Variants in AGBL1 observed in about 807,000 individuals in gnomAD.
AGBL1 encodes the protein AGBL carboxypeptidase 1, also known as cytosolic carboxypeptidase 4.
AGBL1 carries 130 observed loss-of-function variants against 118.9 expected under a neutral mutation model. The ratio of observed to expected loss-of-function variants is 1.09; its 90% confidence interval spans 0.95 to 1.26. The LOEUF (loss-of-function observed/expected upper bound fraction) is 1.26, where lower values mean the gene tolerates loss of function less well. AGBL1 is among the 50% of genes most tolerant of loss of function. The pLI is 0.00. For synonymous variants in AGBL1, 555 were observed against 478.9 expected, an observed-to-expected ratio of 1.16 and a Z score of -2.08; for missense variants, 1,584 against 1,298.1, an observed-to-expected ratio of 1.22 and a Z score of -3.38.
At chr15:86,923,056 C>T (rs72754048) in intron 23 of AGBL1, among the ~76,000 whole-genome samples, 5,617 of 152,256 alleles carry the variant, frequency 0.037, 137 homozygotes, top group Middle Eastern at 0.068. Flanking sequence ...TCCAGGTATC[C>T]GGCCCGAGGG....
intron 22 of AGBL1, among the ~76,000 whole-genome samples, chr15:86,798,874 T>A (rs544131091): frequency 1.3e-4 from 20 of 152,012 alleles, no homozygotes; most frequent in African/African-American, 4.8e-4. Flanking sequence ...ATTATTATTG[T>A]TGGAAGTGAA....
In AGBL1 at chr15:86,925,977, G is replaced by A. The variant is rs186642243; in HGVS notation, c.3222-62010G>A. The stretch of plus-strand genomic sequence containing the variant: ...AATCTCCTGACCTTGTGATTCACCC[G>A]CCTCAGCCTCCCAAAGTGCTGGGAT... On this transcript the variant is annotated intron_variant, in intron 23 of 24. Coordinates refer to the AGBL1 transcript ENST00000441037. Among the ~76,000 whole-genome samples the A allele has an allele frequency of 3.4e-4, 52 of 152,114 alleles. No individual in the cohort carries two copies. In the East Asian group the frequency reaches 6.0e-3, roughly 18 times the overall value.
At chr15:86,843,350 T>G (rs2079272385) in intron 22 of AGBL1, among the ~76,000 whole-genome samples, 1 of 152,016 alleles carries the variant, frequency 6.6e-6, no homozygotes, top group Non-Finnish European at 1.5e-5. Flanking sequence ...TTTTTTTTTC[T>G]TTTTTAAAAA....
intron 21 of AGBL1, among the ~76,000 whole-genome samples, chr15:86,563,995 C>G (rs1004212625): frequency 6.6e-6 from 1 of 152,164 alleles, no homozygotes. Context: ...AGATCTTCCT[C>G]CATCCCTTTA....
At chr15:86,547,143 T>C (rs1400240312) in intron 20 of AGBL1, among the ~76,000 whole-genome samples, 1 of 152,164 alleles carries the variant, frequency 6.6e-6, no homozygotes, top group East Asian at 1.9e-4. Flanking sequence ...CTCAATAACC[T>C]GTTTGCTGTA....
intron 23 of AGBL1, among the ~76,000 whole-genome samples, chr15:86,962,399 C>T (rs1403218806): frequency 6.6e-6 from 1 of 152,004 alleles, no homozygotes; most frequent in African/African-American, 2.4e-5. Flanking sequence ...ATTAACATGT[C>T]TAAGATTCCA....
intron 22 of AGBL1, among the ~76,000 whole-genome samples, chr15:86,830,919 A>G (rs763762747): frequency 2.0e-5 from 3 of 152,204 alleles, no homozygotes; most frequent in Non-Finnish European, 4.4e-5. Context: ...GCTGATAAAG[A>G]CATACCCAAG....
chr15:86,851,788 C>T (rs921087975), intron 22 of AGBL1, among the ~76,000 whole-genome samples: 5 of 151,980 alleles, frequency 3.3e-5, no homozygotes, highest in African/African-American at 4.8e-5. Flanking sequence ...GAAGTGTGCA[C>T]ACATGAAGGA....
intron 21 of AGBL1, among the ~76,000 whole-genome samples, chr15:86,635,210 T>A (rs2085055172): frequency 6.6e-6 from 1 of 150,414 alleles, no homozygotes; most frequent in Non-Finnish European, 1.5e-5. Context: ...TTGCCCTATT[T>A]TGGGTGGCAG....
chr15:86,692,714 C>T (rs547401993), intron 22 of AGBL1, among the ~76,000 whole-genome samples: 91 of 152,214 alleles, frequency 6.0e-4, no homozygotes, highest in African/African-American at 2.0e-3. Context: ...ATCACCTGAG[C>T]AGTATACACG....
chr15:86,859,982 ACTAGTTGAAC>A, intron 22 of AGBL1, among the ~76,000 whole-genome samples: 2 of 152,202 alleles, frequency 1.3e-5, no homozygotes, highest in Non-Finnish European at 2.9e-5. Flanking sequence ...TGAAGTTGAA[ACTAGTTGAAC>A]ATGTTCAGGC....
At chr15:87,024,347 A>G (rs2081702364) in intron 24 of AGBL1, among the ~76,000 whole-genome samples, 1 of 152,096 alleles carries the variant, frequency 6.6e-6, no homozygotes, top group Admixed American at 6.6e-5. Context: ...GCTACTATGA[A>G]CATCTTTACA....
At chr15:87,015,898 A>T (rs755637083) in intron 24 of AGBL1, among the ~76,000 whole-genome samples, 5 of 152,142 alleles carry the variant, frequency 3.3e-5, no homozygotes, top group Non-Finnish European at 7.4e-5. Context: ...AATGATGTTA[A>T]ATTTGCCAAC....
chr15:86,554,608 CCT>C (rs1164704533), intron 21 of AGBL1, 71 bp downstream of exon 21: 20 of 1,334,934 alleles, frequency 1.5e-5, no homozygotes, highest in Non-Finnish European at 1.9e-5. Flanking sequence ...ACAGCTCGTA[CCT>C]GCTTTCTCAC....
At chr15:86,790,006 C>A (rs990231070) in intron 22 of AGBL1, among the ~76,000 whole-genome samples, 130 of 152,260 alleles carry the variant, frequency 8.5e-4, no homozygotes, top group African/African-American at 3.0e-3. Context: ...TATCTGATTT[C>A]TTAAAACTCA....
chr15:86,376,442 AAG>A (rs2081041922), intron 17 of AGBL1, among the ~76,000 whole-genome samples: 1 of 152,222 alleles, frequency 6.6e-6, no homozygotes, highest in East Asian at 1.9e-4. Flanking sequence ...TAGGCAAAGA[AAG>A]AGATGCATAG....
chr15:86,796,219 C>G (rs1281983281), intron 22 of AGBL1, among the ~76,000 whole-genome samples: 1 of 152,186 alleles, frequency 6.6e-6, no homozygotes, highest in Non-Finnish European at 1.5e-5. Context: ...ATTTGTTCCA[C>G]CTCACACTGG....
At chr15:86,938,928 T>A (rs1032595952) in intron 23 of AGBL1, 6 of 152,212 alleles carry the variant, frequency 3.9e-5, no homozygotes, top group African/African-American at 1.2e-4. Context: ...GCAGCATCAA[T>A]CAGTTTCATG....
chr15:87,012,067 A>C (rs2081565777), intron 24 of AGBL1, among the ~76,000 whole-genome samples: 1 of 152,270 alleles, frequency 6.6e-6, no homozygotes, highest in African/African-American at 2.4e-5. Context: ...TCCAATTTTT[A>C]ATAGAGATAA....
Sources: allele counts gnomAD v4.1 joint callset (sites outside exome capture counted in the v4.1 genomes callset), GRCh38; gene constraint gnomAD v4.1.1; transcripts MANE v1.5; gene names NCBI Gene and HGNC (gene_info 2026-07-23, HGNC 2026-07-21).